MYO3B: variants seen among roughly 807,000 people sequenced by gnomAD.
MYO3B encodes the protein myosin-IIIb.
A neutral mutation model predicts 174.6 loss-of-function variants in MYO3B; 156 were observed. The ratio of observed to expected loss-of-function variants is 0.89; its 90% CI spans 0.78 to 1.02. The LOEUF is 1.02. MYO3B is among the 50% of genes least tolerant of loss of function. MYO3B has a pLI of 0.00. For synonymous variants in MYO3B, 563 were observed against 569.1 expected, an observed-to-expected ratio of 0.99 and a Z score of 0.15; for missense variants, 1,632 against 1,639.4, an observed-to-expected ratio of 1.00 and a Z score of 0.08.
At chr2:170,599,580 C>G (rs1694372533) in intron 32 of MYO3B, among the ~76,000 whole-genome samples, 1 of 152,128 alleles carries the variant, frequency 6.6e-6, no homozygotes, top group Non-Finnish European at 1.5e-5. Context: ...AACCCCATCT[C>G]TACTAAAAAT....
At chr2:170,579,641 A>G (rs958310375) in intron 32 of MYO3B, among the ~76,000 whole-genome samples, 1 of 152,238 alleles carries the variant, frequency 6.6e-6, no homozygotes, top group African/African-American at 2.4e-5. Context: ...TCCAAGGCCC[A>G]GAAGTTGTCA....
chr2:170,239,249 G>T (rs2093105056), intron 7 of MYO3B, among the ~76,000 whole-genome samples: 1 of 152,170 alleles, frequency 6.6e-6, no homozygotes, highest in South Asian at 2.1e-4. Flanking sequence ...AGATGACCTG[G>T]ATATATTTTT....
intron 32 of MYO3B, among the ~76,000 whole-genome samples, chr2:170,646,141 C>T (rs1698352065): frequency 6.6e-6 from 1 of 151,906 alleles, no homozygotes; most frequent in Non-Finnish European, 1.5e-5. Context: ...CGTGGCGGCA[C>T]ATGCCTGTAA....
chr2:170,391,187 C>T (rs1283736613), intron 14 of MYO3B, among the ~76,000 whole-genome samples: 1 of 152,102 alleles, frequency 6.6e-6, no homozygotes, highest in Non-Finnish European at 1.5e-5. Context: ...AGCTGGACCT[C>T]ACTGTCTCTG....
chr2:170,583,948 C>A (rs796514695), intron 32 of MYO3B, among the ~76,000 whole-genome samples: 3 of 152,194 alleles, frequency 2.0e-5, no homozygotes, highest in African/African-American at 7.2e-5. Flanking sequence ...TACAAAAGAC[C>A]TTTTTTGTTT....
intron 7 of MYO3B, among the ~76,000 whole-genome samples, chr2:170,241,588 G>A (rs1365122531): frequency 2.0e-5 from 3 of 152,140 alleles, no homozygotes; most frequent in East Asian, 3.9e-4. Context: ...CTCATTTATC[G>A]GTAAAGGTGA....
At chr2:170,420,341 C>T (rs1020045317) in intron 22 of MYO3B, among the ~76,000 whole-genome samples, 2 of 152,082 alleles carry the variant, frequency 1.3e-5, no homozygotes, top group Non-Finnish European at 2.9e-5. Flanking sequence ...AAGCTGAGTC[C>T]ACATGGGTGA....
In MYO3B at chr2:170,206,175, G is replaced by T. The variant is rs1574576626; in HGVS notation, c.321+5891G>T. The stretch of plus-strand genomic sequence containing the variant: ...CATGCCCCCTACATTTGCACAAGAT[G>T]TCCCCATGTTCCTTTTCACAGAATC... On this transcript the variant is annotated intron_variant, in intron 3 of 34. Transcript: ENST00000408978. The surrounding 1 kb of genome is among the most constrained non-coding windows in gnomAD (Gnocchi z 4.3). 6.6e-6 allele frequency among the ~76,000 whole-genome samples: 1 copy of T among 151,966 alleles called. No homozygotes were observed.
intron 8 of MYO3B, 112 bp from the exon 9 acceptor site, chr2:170,369,110 C>T: frequency 1.2e-6 from 1 of 854,882 alleles, no homozygotes; most frequent in Non-Finnish European, 1.8e-6. Flanking sequence ...TATCATTAAC[C>T]AATGATCAGG....
chr2:170,516,346 A>C (rs1688306518), intron 29 of MYO3B, among the ~76,000 whole-genome samples: 1 of 151,958 alleles, frequency 6.6e-6, no homozygotes, highest in Non-Finnish European at 1.5e-5. Flanking sequence ...TCTTACTTCA[A>C]AATAGTCTGA....
At chr2:170,372,118 C>CAAAAAAAAAAAAAAAAAAAAAA (rs769243145) in intron 9 of MYO3B, among the ~76,000 whole-genome samples, 2 of 22,210 alleles carry the variant, frequency 9.0e-5, no homozygotes, top group African/African-American at 1.2e-4. Flanking sequence ...GACCCTGTCT[C>CAAAAAAAAAAAAAAAAAAAAAA]AAAAAAAAAA....
chr2:170,361,460 C>T (rs1161782223), intron 8 of MYO3B, among the ~76,000 whole-genome samples: 1 of 152,222 alleles, frequency 6.6e-6, no homozygotes, highest in Non-Finnish European at 1.5e-5. Context: ...TTAAGACTGC[C>T]TTAATTCTCG....
At chr2:170,557,990 C>T (rs79035300) in intron 32 of MYO3B, among the ~76,000 whole-genome samples, 3,263 of 151,974 alleles carry the variant, frequency 0.021, 86 homozygotes, top group East Asian at 0.088. Context: ...ATGTAACATG[C>T]TTACAGAAAA....
intron 25 of MYO3B, among the ~76,000 whole-genome samples, chr2:170,494,317 A>G (rs1476264584): frequency 6.6e-6 from 1 of 152,238 alleles, no homozygotes; most frequent in Non-Finnish European, 1.5e-5. Context: ...GAATAGAGAT[A>G]TTTTTCAACT....
chr2:170,632,447 C>T (rs1265750093), intron 32 of MYO3B, among the ~76,000 whole-genome samples: 4 of 152,054 alleles, frequency 2.6e-5, no homozygotes, highest in Non-Finnish European at 2.9e-5. Context: ...AAAGACACAA[C>T]ATACCAGAAT....
intron 32 of MYO3B, among the ~76,000 whole-genome samples, chr2:170,590,594 ATTTT>A (rs111705221): frequency 7.1e-6 from 1 of 140,582 alleles, no homozygotes. Flanking sequence ...TGATTGATTG[ATTTT>A]TTTTTTTTTT....
chr2:170,353,044 C>T (rs918352365), intron 8 of MYO3B, among the ~76,000 whole-genome samples: 3 of 152,166 alleles, frequency 2.0e-5, no homozygotes, highest in Non-Finnish European at 4.4e-5. Flanking sequence ...GTCTAGCAAT[C>T]GCCCTTTTTA....
At chr2:170,483,015 A>G (rs1313441314) in intron 25 of MYO3B, among the ~76,000 whole-genome samples, 1 of 152,284 alleles carries the variant, frequency 6.6e-6, no homozygotes, top group East Asian at 1.9e-4. Flanking sequence ...TGCTGGCAGC[A>G]GCTTTTCACA....
At chr2:170,304,999 C>A (rs779188088) in intron 7 of MYO3B, among the ~76,000 whole-genome samples, 14 of 150,728 alleles carry the variant, frequency 9.3e-5, no homozygotes, top group Non-Finnish European at 1.6e-4. Flanking sequence ...TTATGAATCT[C>A]TTTTCTGTCT....
Sources: allele counts gnomAD v4.1 joint callset (sites outside exome capture counted in the v4.1 genomes callset), GRCh38; gene constraint gnomAD v4.1.1; non-coding constraint Gnocchi (gnomAD v3.1); transcripts MANE v1.5; gene names NCBI Gene and HGNC (gene_info 2026-07-23, HGNC 2026-07-21).